ERC2: variants seen among roughly 807,000 people sequenced by gnomAD.
ERC2 encodes the protein ELKS/RAB6-interacting/CAST family member 2.
In ERC2, 42 loss-of-function variants were observed where a neutral mutation model predicts 114.8. The ratio of observed to expected loss-of-function variants is 0.37; its 90% CI spans 0.29 to 0.47. The LOEUF (loss-of-function observed/expected upper bound fraction) is 0.47, where lower values mean the gene tolerates loss of function less well. Among genes scored for constraint, ERC2 ranks in the 20% least tolerant of loss-of-function variants. The pLI is 0.99. For missense variants in ERC2, 939 were observed against 1,150.7 expected (o/e 0.82, Z 2.66); for synonymous variants, 454 against 425.5 (o/e 1.07, Z -0.82).
rs774331685 is a variant in ERC2, at chr3:56,257,892, T to G, written c.1074+38127A>C. Among the ~76,000 whole-genome samples the G allele has an allele frequency of 2.0e-4, 30 of 152,250 alleles. 1 individual carries two copies. The highest frequency in any genetic ancestry group is 3.8e-4 in the Non-Finnish European group (26 of 68,038). ...TATTTTTTAGGTTGGAGACATCATG[T>G]CACAGTACCAGCCACTTCAGTTCAC... On this transcript the variant is annotated intron_variant, in intron 3 of 17. Coordinates refer to ENST00000288221, the MANE Select transcript of ERC2 (RefSeq NM_015576.3).
intron 14 of ERC2, among the ~76,000 whole-genome samples, chr3:55,861,372 G>T (rs1346733707): frequency 6.6e-6 from 1 of 152,178 alleles, no homozygotes; most frequent in African/African-American, 2.4e-5. Flanking sequence ...CTCCTGAAGA[G>T]CTCCTGGTGC....
At chr3:55,635,536 G>A (rs1352007970) in intron 17 of ERC2, among the ~76,000 whole-genome samples, 2 of 151,534 alleles carry the variant, frequency 1.3e-5, no homozygotes, top group East Asian at 2.0e-4. Flanking sequence ...GACTATAGAC[G>A]TCCGCCACCA....
At chr3:56,267,531 G>A (rs567969020) in intron 3 of ERC2, among the ~76,000 whole-genome samples, 30 of 152,240 alleles carry the variant, frequency 2.0e-4, no homozygotes, top group Middle Eastern at 3.4e-3. Context: ...CAGCACTTTG[G>A]GAGGCCAAGG....
At chr3:55,919,842 A>C (rs2149380978) in intron 13 of ERC2, among the ~76,000 whole-genome samples, 1 of 152,304 alleles carries the variant, frequency 6.6e-6, no homozygotes, top group East Asian at 1.9e-4. Flanking sequence ...AGGGAATTGC[A>C]AGTGCAAAAG....
intron 2 of ERC2, among the ~76,000 whole-genome samples, chr3:56,419,124 G>A (rs1393677107): frequency 6.6e-6 from 1 of 152,214 alleles, no homozygotes; most frequent in Non-Finnish European, 1.5e-5. Flanking sequence ...GACAGAAAGT[G>A]CACTTTACAC....
intron 13 of ERC2, among the ~76,000 whole-genome samples, chr3:55,897,909 T>C (rs1452455566): frequency 6.6e-6 from 1 of 152,182 alleles, no homozygotes; most frequent in Non-Finnish European, 1.5e-5. Context: ...TTCTCCTCAT[T>C]GAAGTTTAAG....
intron 3 of ERC2, among the ~76,000 whole-genome samples, chr3:56,196,664 C>T (rs1326576640): frequency 6.6e-6 from 1 of 152,126 alleles, no homozygotes; most frequent in Non-Finnish European, 1.5e-5. Context: ...TTCCTGTTAG[C>T]CATTTCCCTT....
chr3:55,790,989 C>T (rs2149076496), intron 14 of ERC2, among the ~76,000 whole-genome samples: 1 of 152,342 alleles, frequency 6.6e-6, no homozygotes, highest in South Asian at 2.1e-4. Context: ...GGTGGGTAAC[C>T]CACCTGGGCC....
At position 55,989,465 on chromosome 3, in the gene ERC2, T is replaced by G. The variant is rs2070887899; in HGVS notation, c.2255+2592A>C. 2.0e-5 allele frequency among the ~76,000 whole-genome samples: 3 copies of G among 152,230 alleles called. No homozygotes were observed. In the South Asian group the frequency reaches 6.2e-4, roughly 32 times the overall value. ...GCCATCTAAGCGTGAAGCACATCACTTTCTCTCCTGTATGCTAATAAAGAG... is the reference window on the plus strand; with the variant it reads ...GCCATCTAAGCGTGAAGCACATCACGTTCTCTCCTGTATGCTAATAAAGAG... On this transcript the variant is annotated intron_variant, in intron 11 of 17. Transcript: ENST00000288221.
intron 2 of ERC2, among the ~76,000 whole-genome samples, chr3:56,311,819 ATGTGTGTGTGTGTG>A (rs10536094): frequency 6.6e-4 from 94 of 142,960 alleles, no homozygotes; most frequent in Non-Finnish European, 1.1e-3. Flanking sequence ...ATACATATAA[ATGTGTGTGTGTGTG>A]TGTGTGTGTG....
intron 7 of ERC2, among the ~76,000 whole-genome samples, chr3:56,022,314 C>T (rs1560038321): frequency 6.6e-6 from 1 of 152,208 alleles, no homozygotes; most frequent in Non-Finnish European, 1.5e-5. Context: ...GATTTTACTT[C>T]TCCTCTTCAT....
intron 3 of ERC2, among the ~76,000 whole-genome samples, chr3:56,242,382 G>A (rs943747589): frequency 1.3e-5 from 2 of 152,016 alleles, no homozygotes; most frequent in Non-Finnish European, 2.9e-5. Context: ...CAGGTGACGG[G>A]TATACCAAAA....
intron 3 of ERC2, among the ~76,000 whole-genome samples, chr3:56,283,212 G>A (rs2150326356): frequency 6.6e-6 from 1 of 152,318 alleles, no homozygotes; most frequent in East Asian, 1.9e-4. Context: ...GTCCTTTAAA[G>A]CAGCTAAAGC....
intron 14 of ERC2, among the ~76,000 whole-genome samples, chr3:55,832,962 T>C (rs55998405): frequency 0.17 from 26,350 of 150,710 alleles, 3,404 homozygotes; most frequent in African/African-American, 0.36. Context: ...ATGAAGAATG[T>C]AAAGGCCTCA....
chr3:55,699,412 G>A lies in ERC2; in HGVS notation c.2813C>T (p.Ser938Leu), dbSNP rs374217546. The A allele has an allele frequency of 4.6e-5, 75 of 1,613,690 alleles. No homozygotes were observed. The highest frequency in any genetic ancestry group is 5.8e-5 in the Non-Finnish European group (69 of 1,179,810). The change falls in exon 16 of 18, where the codon TCG (serine) becomes TTG (leucine). Residue 938 changes from serine to leucine, a missense_variant. Coordinates refer to ENST00000288221, the MANE Select transcript of ERC2 (RefSeq NM_015576.3). ...AGAGGGCCTGTGATTGGAATGTTGC[G>A]ACCTCCCAGGAGATCGATGGTGGTG... ...HHHHHRSPGR[S>L]QHSNHRPSPD...
At position 56,337,729 on chromosome 3, in the gene ERC2, C is replaced by T. The variant is rs535909982; in HGVS notation, c.658-41294G>A. ...GTGAAGATACACCTACCCACTGCCC[C>T]AGTACTTCCACTCCAAGATGTGTAC... On this transcript the variant is annotated intron_variant, in intron 2 of 17. Coordinates refer to ENST00000288221, the MANE Select transcript of ERC2 (RefSeq NM_015576.3). Among the ~76,000 whole-genome samples the T allele has an allele frequency of 9.2e-5, 14 of 152,312 alleles. No homozygotes were observed. In the East Asian group the frequency reaches 2.5e-3, roughly 27 times the overall value.
chr3:55,609,197 C>A (rs1184271261), intron 17 of ERC2, among the ~76,000 whole-genome samples: 1 of 152,158 alleles, frequency 6.6e-6, no homozygotes, highest in African/African-American at 2.4e-5. Context: ...TGTGTGGGTG[C>A]CTCTCTTACC....
chr3:55,779,447 G>A (rs2149046952), intron 14 of ERC2, among the ~76,000 whole-genome samples: 1 of 151,820 alleles, frequency 6.6e-6, no homozygotes, highest in Admixed American at 6.6e-5. Context: ...GTTGCAGTGA[G>A]CCGAGATTGC....
intron 2 of ERC2, among the ~76,000 whole-genome samples, chr3:56,313,008 A>ATATATATATATATATATATAT (rs2056674722): frequency 9.0e-6 from 1 of 110,730 alleles, no homozygotes; most frequent in African/African-American, 3.4e-5. Flanking sequence ...ATTCATATAT[A>ATATATATATATATATATATAT]TATATATATA....
Sources: gnomAD v4.1 joint callset for allele counts (sites outside exome capture counted in the v4.1 genomes callset) on GRCh38, gnomAD v4.1.1 for gene constraint, MANE v1.5 for transcripts, NCBI Gene and HGNC (gene_info 2026-07-23, HGNC 2026-07-21) for gene names.